Variants in GPR171 observed in about 807,000 individuals in gnomAD.
The protein encoded by GPR171 is F730001G15Rik.
GPR171 carries 14 observed loss-of-function variants against 16.7 expected under a neutral mutation model. That is an observed-to-expected ratio of 0.84 (90% CI 0.55 to 1.31). The LOEUF (loss-of-function observed/expected upper bound fraction) is 1.31, where lower values mean the gene tolerates loss of function less well. GPR171 is among the 40% of genes most tolerant of loss of function. GPR171 has a pLI of 0.00. For missense variants in GPR171, 337 were observed against 378.9 expected (o/e 0.89, Z 0.92); for synonymous variants, 134 against 135.6 (o/e 0.99, Z 0.08).
chr3:151,202,315 GCAA>G (rs1444494630), intron 1 of GPR171, among the ~76,000 whole-genome samples: 2 of 152,244 alleles, frequency 1.3e-5, no homozygotes, highest in Non-Finnish European at 2.9e-5. Flanking sequence ...AAGTAGTGCA[GCAA>G]CAACAATACA....
chr3:151,198,790 A>G lies in GPR171; in HGVS notation c.597T>C (p.Asn199=), dbSNP rs778052185. Residue 199 remains asparagine (N), a synonymous_variant, in exon 3 of 3, where the codon AAT becomes AAC. Transcript: ENST00000309180. ...LNFSAIILIS[N]CLVIRQLYRN... is the part of the protein sequence containing the mutation. ...TGTAGAGCTGTCGAATTACAAGGCA[A>G]TTGGATATTAAAATGATGGCTGAGA... The G allele has an allele frequency of 2.5e-6, 4 of 1,613,690 alleles. No individual in the cohort carries two copies. The highest frequency in any genetic ancestry group is 2.2e-5 in the East Asian group (1 of 44,896).
intron 2 of GPR171, among the ~76,000 whole-genome samples, chr3:151,200,161 T>C (rs1725333295): frequency 6.9e-6 from 1 of 144,086 alleles, no homozygotes. Context: ...GCATAAGACA[T>C]ACCCTTAGAA....
In GPR171 at chr3:151,199,245, A is replaced by C; in HGVS notation, c.142T>G (p.Cys48Gly). Residue 48 changes from cysteine to glycine, a missense_variant, in exon 3 of 3, where the codon TGT becomes GGT. By Grantham distance (159) the Cys-to-Gly change is radical. Transcript: ENST00000309180. ...AFIQKNTNHR[C>G]VSIYLINLLT... is the part of the protein sequence containing the mutation. ...AAATTAATTAAGTAGATGCTCACACACCTGTGATTCGTATTCTTCTGTATA... is the reference window on the plus strand; with the variant it reads ...AAATTAATTAAGTAGATGCTCACACCCCTGTGATTCGTATTCTTCTGTATA... The C allele has an allele frequency of 6.2e-7, 1 of 1,614,028 alleles. No homozygotes were observed. Among genetic ancestry groups the C allele is most frequent in the Non-Finnish European group, 8.5e-7 (1 of 1,179,918 alleles).
At position 151,198,840 on chromosome 3, in the gene GPR171, T is replaced by A; in HGVS notation, c.547A>T (p.Ile183Leu). 6.2e-7 allele frequency: 1 copy of A among 1,613,646 alleles called. No individual in the cohort carries two copies. Among genetic ancestry groups the A allele is most frequent in the Non-Finnish European group, 8.5e-7 (1 of 1,179,524 alleles). The stretch of plus-strand genomic sequence containing the variant: ...AAATTTAAAAATATTGCTACACATA[T>A]GAAATTTGTCAGCAAATGCCAATTT... Reference protein sequence around the residue: ...GRNWHLLTNFICVAIFLNFSA... With the variant: ...GRNWHLLTNFLCVAIFLNFSA... Residue 183 changes from isoleucine (I) to leucine (L), a missense_variant, in exon 3 of 3, where the codon ATA (isoleucine) becomes TTA (leucine). Coordinates refer to ENST00000309180, the MANE Select transcript of GPR171 (RefSeq NM_013308.4).
At chr3:151,201,219 A>ACTCT (rs1725525496) in intron 1 of GPR171, among the ~76,000 whole-genome samples, 1 of 148,718 alleles carries the variant, frequency 6.7e-6, no homozygotes, top group Admixed American at 6.6e-5. Context: ...AACCACGTGC[A>ACTCT]CACACTCTCT....
In GPR171 at chr3:151,199,147, C is replaced by G; in HGVS notation, c.240G>C (p.Trp80Cys). Residue 80 changes from tryptophan (W) to cysteine (C), a missense_variant, in exon 3 of 3, where the codon TGG becomes TGC. Physicochemically the swap from Trp to Cys is radical, Grantham distance 215 (BLOSUM62 -2). Transcript: ENST00000309180. ...CTTGGCAGTGGAATATCTTCAGCTT[C>G]CAAGGTGCCACACCCAAGTCAACAA... is the stretch of plus-strand genomic sequence containing the variant. ...KIVVDLGVAP[W>C]KLKIFHCQVT... 6.2e-7 allele frequency: 1 copy of G among 1,614,136 alleles called. No homozygotes were observed. Among genetic ancestry groups the G allele is most frequent in the Non-Finnish European group, 8.5e-7 (1 of 1,179,998 alleles).
In GPR171 at chr3:151,198,389, A is replaced by G. The variant is rs1724993700; in HGVS notation, c.*38T>C. The G allele has an allele frequency of 1.4e-6, 2 of 1,449,340 alleles. No individual in the cohort carries two copies. Among genetic ancestry groups the G allele is most frequent in the Non-Finnish European group, 1.9e-6 (2 of 1,075,982 alleles). 89.8% of individuals were successfully genotyped at this position (1,449,340 alleles called of 1,614,324 possible). ...AAAGCTATAATTAACTTTATGGTCC[A>G]GTAAGGCCAGAATTGGTAGCACAAA... On this transcript the variant is annotated 3_prime_UTR_variant, in exon 3 of 3. Transcript: ENST00000309180.
intron 2 of GPR171, 146 bp from the exon 3 acceptor site, chr3:151,199,585 C>T (rs1268647238): frequency 4.2e-6 from 2 of 475,218 alleles, no homozygotes; most frequent in East Asian, 6.2e-5. Flanking sequence ...CTGGTGAGAA[C>T]ATACTAGATT....
At chr3:151,200,731 T>G (rs1252543990) in intron 2 of GPR171, among the ~76,000 whole-genome samples, 178 bp downstream of exon 2, 3 of 152,254 alleles carry the variant, frequency 2.0e-5, no homozygotes, top group Admixed American at 1.3e-4. Flanking sequence ...TTAGAGTCCA[T>G]GAATAATGTC....
rs1470385880 is a variant in GPR171 at position 151,199,114 on chromosome 3, G to C, written c.273C>G (p.Ala91=). 9.3e-6 allele frequency: 15 copies of C among 1,613,900 alleles called. No individual in the cohort carries two copies. Among genetic ancestry groups the C allele is most frequent in the Non-Finnish European group, 9.3e-6 (11 of 1,179,904 alleles). Residue 91 remains alanine, a synonymous_variant, in exon 3 of 3, where the codon GCC becomes GCG. Transcript: ENST00000309180. ...KLKIFHCQVT[A]CLIYINMYLS... ...AATACATATTGATATAGATGAGGCA[G>C]GCTGTTACTTGGCAGTGGAATATCT... is the stretch of plus-strand genomic sequence containing the variant.
rs11431846 is a variant in GPR171, at chr3:151,198,342, G to GT, written c.*84dup. ...ATTTTTTCATACTGAGTTTTTTTTT[G>GT]TTTTTTTTTTTTTTATCTTTCAAAG... On this transcript the variant is annotated 3_prime_UTR_variant, in exon 3 of 3. Transcript: ENST00000309180. The GT allele has an allele frequency of 0.14, 97,389 of 677,566 alleles. 6,251 individuals carry two copies. Among genetic ancestry groups the GT allele is most frequent in the African/African-American group, 0.5 (26,191 of 52,074 alleles). 42.0% of individuals were successfully genotyped at this position (677,566 alleles called of 1,614,324 possible). A position where few individuals can be genotyped will look rare whatever the true frequency, so the allele number is the denominator to read the frequency against.
chr3:151,202,139 T>A (rs1725697285), intron 1 of GPR171, among the ~76,000 whole-genome samples: 1 of 152,260 alleles, frequency 6.6e-6, no homozygotes, highest in Admixed American at 6.5e-5. Flanking sequence ...TTGTCTAAAT[T>A]GCAGTGAGAA....
intron 2 of GPR171, among the ~76,000 whole-genome samples, chr3:151,199,861 A>G (rs959775581): frequency 2.6e-5 from 4 of 152,062 alleles, no homozygotes; most frequent in Non-Finnish European, 5.9e-5. Context: ...TTTGTTTTCC[A>G]TAGATTCATG....
Position 151,198,503 on chromosome 3 carries a change from T to G in GPR171, c.884A>C (p.Lys295Thr). The G allele has an allele frequency of 6.2e-7, 1 of 1,613,670 alleles. No individual in the cohort carries two copies. The highest frequency in any genetic ancestry group is 8.5e-7 in the Non-Finnish European group (1 of 1,179,606). Residue 295 changes from lysine to threonine, a missense_variant, in exon 3 of 3, where the codon AAG (lysine) becomes ACG (threonine). Physicochemically the swap from Lys to Thr is moderately conservative, Grantham distance 78. Transcript: ENST00000309180. ...AGGTGAGGCAAAAGTCTCAGTGACCTTTGAGCGGAATGCTTTTGAGAGGTG... is the reference window on the plus strand; with the variant it reads ...AGGTGAGGCAAAAGTCTCAGTGACCGTTGAGCGGAATGCTTTTGAGAGGTG... ...YYHLSKAFRS[K>T]VTETFASPKE...
chr3:151,198,868 T>A lies in GPR171; in HGVS notation c.519A>T (p.Gly173=). ...VGCMEFKKEF[G]RNWHLLTNFI... ...AATTTGTCAGCAAATGCCAATTTCT[T>A]CCAAATTCCTTTTTAAACTCCATAC... The change falls in exon 3 of 3, where the codon GGA becomes GGT. Residue 173 remains glycine, a synonymous_variant. Coordinates refer to ENST00000309180, the MANE Select transcript of GPR171 (RefSeq NM_013308.4). The A allele has an allele frequency of 6.2e-7, 1 of 1,614,094 alleles. No homozygotes were observed. Among genetic ancestry groups the A allele is most frequent in the Non-Finnish European group, 8.5e-7 (1 of 1,179,932 alleles).
rs752799514 is a variant in GPR171, at chr3:151,198,914, T to G, written c.473A>C (p.Lys158Thr). The change falls in exon 3 of 3, where the codon AAG becomes ACG. Residue 158 changes from lysine (K) to threonine (T), a missense_variant. Lys to Thr is a moderately conservative substitution (Grantham distance 78, BLOSUM62 -1). Coordinates refer to ENST00000309180, the MANE Select transcript of GPR171 (RefSeq NM_013308.4). ...PNMMIPIKDI[K>T]EKSNVGCMEF... is the part of the protein sequence containing the mutation. ...CATACAACCCACATTTGACTTTTCC[T>G]TGATGTCTTTGATGGGAATCATCAT... 1 of 1,613,972 alleles carries G rather than the reference T, an allele frequency of 6.2e-7. No homozygotes were observed. Among genetic ancestry groups the G allele is most frequent in the African/African-American group, 1.3e-5 (1 of 74,942 alleles).
Position 151,199,152 on chromosome 3 carries a change from G to T in GPR171, c.235C>A (p.Pro79Thr), listed in dbSNP as rs1559868827. The change falls in exon 3 of 3, where the codon CCT (proline) becomes ACT (threonine). Residue 79 changes from proline to threonine, a missense_variant. Physicochemically the swap from Pro to Thr is conservative, Grantham distance 38 (BLOSUM62 -1). Transcript: ENST00000309180. The stretch of plus-strand genomic sequence containing the variant: ...CAGTGGAATATCTTCAGCTTCCAAG[G>T]TGCCACACCCAAGTCAACAACAATT... ...VKIVVDLGVA[P>T]WKLKIFHCQV... 1 of 1,614,164 alleles carries T rather than the reference G, an allele frequency of 6.2e-7. No homozygotes were observed.
chr3:151,202,533 G>A (rs537903711), intron 1 of GPR171, among the ~76,000 whole-genome samples: 12 of 152,104 alleles, frequency 7.9e-5, no homozygotes, highest in Admixed American at 2.0e-4. Context: ...TAGCCAACGC[G>A]GTGGCGGGCA....
rs774272776 is a variant in GPR171 at position 151,199,015 on chromosome 3, T to G, written c.372A>C (p.Arg124=). Residue 124 remains arginine, a synonymous_variant, in exon 3 of 3, where the codon CGA becomes CGC. Coordinates refer to ENST00000309180, the MANE Select transcript of GPR171 (RefSeq NM_013308.4). ...LQLTHSCKIY[R]IQEPGFAKMI... ...TTTTGGCAAATCCGGGTTCTTGTATTCGGTAGATCTTGCAGCTGTGTGTCA... is the reference window on the plus strand; with the variant it reads ...TTTTGGCAAATCCGGGTTCTTGTATGCGGTAGATCTTGCAGCTGTGTGTCA... 42 of 1,614,026 alleles carry G rather than the reference T, an allele frequency of 2.6e-5. No homozygotes were observed. The highest frequency in any genetic ancestry group is 3.5e-5 in the Non-Finnish European group (41 of 1,180,024).
Sources: gnomAD v4.1 joint callset for allele counts (sites outside exome capture counted in the v4.1 genomes callset) on GRCh38, gnomAD v4.1.1 for gene constraint, MANE v1.5 for transcripts, NCBI Gene and HGNC (gene_info 2026-07-23, HGNC 2026-07-21) for gene names.